KCTD14: variants seen among roughly 807,000 people sequenced by gnomAD.
The protein encoded by KCTD14 is potassium channel tetramerization domain containing 14, also known as BTB/POZ domain-containing protein KCTD14.
In KCTD14, 7 loss-of-function variants were observed where a neutral mutation model predicts 5.9. That is an observed-to-expected ratio of 1.19 (90% CI 0.68 to 2.23). The LOEUF (loss-of-function observed/expected upper bound fraction) is 2.23. Among genes scored for constraint, KCTD14 ranks in the 30% most tolerant of loss-of-function variants. KCTD14 has a pLI of 0.00. For synonymous variants in KCTD14, 140 were observed against 133.1 expected, an observed-to-expected ratio of 1.05 and a Z score of -0.36; for missense variants, 342 against 332.2, an observed-to-expected ratio of 1.03 and a Z score of -0.23.
chr11:78,032,879 A>G (rs924992776), intron 2 of KCTD14, among the ~76,000 whole-genome samples: 7 of 151,902 alleles, frequency 4.6e-5, no homozygotes, highest in Non-Finnish European at 8.8e-5. Context: ...TGGGGGTCTC[A>G]CTATGTTGCC....
intron 1 of KCTD14, among the ~76,000 whole-genome samples, chr11:78,022,646 C>G (rs1857337044): frequency 6.6e-6 from 1 of 152,094 alleles, no homozygotes; most frequent in Non-Finnish European, 1.5e-5. Context: ...CTCACCCAAG[C>G]TGGGGACCAG....
upstream of KCTD14, among the ~76,000 whole-genome samples, chr11:78,025,144 A>ATG (rs1158741288): frequency 4.8e-4 from 60 of 125,260 alleles, no homozygotes; most frequent in Non-Finnish European, 7.2e-4. Context: ...ATATATATAT[A>ATG]TATATATATA....
chr11:78,017,049 A>G lies in KCTD14; in HGVS notation c.312T>C (p.Pro104=), dbSNP rs1389806637. The G allele has an allele frequency of 1.2e-6, 2 of 1,614,102 alleles. No homozygotes were observed. The highest frequency in any genetic ancestry group is 2.7e-5 in the African/African-American group (2 of 74,932). ...AGAACTGAGCCTCACGGTACACTTC[A>G]GGGATGTGCTGTGTGGGCACTTGCC... The part of the protein sequence containing the change: ...RTGQVPTQHI[P]EVYREAQFYE... Residue 104 remains proline (P), a synonymous_variant, in exon 2 of 2, where the codon CCT becomes CCC. Coordinates refer to ENST00000353172, the MANE Select transcript of KCTD14 (RefSeq NM_023930.4).
At position 78,016,076 on chromosome 11, in the gene KCTD14, A is replaced by C. The variant is rs1306702568; in HGVS notation, c.*517T>G. On this transcript the variant is annotated 3_prime_UTR_variant, in exon 2 of 2. Transcript: ENST00000353172. The stretch of plus-strand genomic sequence containing the variant: ...AGCAAGTTCACAGGTAATGCTGATG[A>C]TGCACTTTGAAAACCTCCACTCTAG... 1.3e-5 allele frequency: 2 copies of C among 155,290 alleles called. No homozygotes were observed. Among genetic ancestry groups the C allele is most frequent in the South Asian group, 4.0e-4 (2 of 5,018 alleles). The allele number at this position is 155,290 out of a possible 1,614,324, so 9.6% of individuals were successfully genotyped here.
At chr11:78,026,844 A>G (rs996738330), upstream of KCTD14, among the ~76,000 whole-genome samples, 2 of 152,122 alleles carry the variant, frequency 1.3e-5, no homozygotes, top group African/African-American at 2.4e-5. Flanking sequence ...CACACCTGTA[A>G]TCCCAGCACT....
chr11:78,025,116 G>GTATATATATA (rs771771645), upstream of KCTD14, among the ~76,000 whole-genome samples: 13 of 68,554 alleles, frequency 1.9e-4, no homozygotes, highest in Non-Finnish European at 2.7e-4. Context: ...GTGTGTGTGT[G>GTATATATATA]TGTATATATA....
intron 2 of KCTD14, among the ~76,000 whole-genome samples, chr11:78,032,577 T>G (rs4945242): frequency 0.81 from 123,988 of 152,156 alleles, 50,884 homozygotes; most frequent in African/African-American, 0.9. Flanking sequence ...AATCCAGGCA[T>G]TCTGGCTTCA....
At chr11:78,018,774 A>G (rs1857238050) in intron 1 of KCTD14, among the ~76,000 whole-genome samples, 1 of 152,084 alleles carries the variant, frequency 6.6e-6, no homozygotes. Flanking sequence ...AGAGTTTCCA[A>G]CCTGGGATGC....
intron 1 of KCTD14, chr11:78,038,782 A>G: frequency 6.5e-7 from 1 of 1,535,648 alleles, no homozygotes; most frequent in South Asian, 1.2e-5. Flanking sequence ...AGAATTTCTT[A>G]GAAGACTATC....
At chr11:78,035,853 A>AAAC (rs1336254632) in intron 2 of KCTD14, among the ~76,000 whole-genome samples, 3 of 148,760 alleles carry the variant, frequency 2.0e-5, no homozygotes, top group Admixed American at 1.3e-4. Context: ...TCAAAAAAAA[A>AAAC]AAAAAAAAAA....
chr11:78,017,446 G>C (rs1032946323), intron 1 of KCTD14, among the ~76,000 whole-genome samples, 176 bp from the exon 2 acceptor site: 1 of 149,702 alleles, frequency 6.7e-6, no homozygotes, highest in Non-Finnish European at 1.5e-5. Flanking sequence ...GCTCCAGGGG[G>C]TGGGCTTTTT....
exon 1 of KCTD14, chr11:78,046,076 G>A (rs1858132005): frequency 2.0e-6 from 2 of 984,658 alleles, no homozygotes; most frequent in Non-Finnish European, 2.4e-6. Context: ...AGTAAACCGG[G>A]GAGGACTCCG....
intron 2 of KCTD14, among the ~76,000 whole-genome samples, chr11:78,036,260 G>A (rs924137555): frequency 2.6e-5 from 4 of 152,254 alleles, no homozygotes; most frequent in African/African-American, 9.6e-5. Flanking sequence ...TCAAGTGTGA[G>A]TGTGAATGTG....
chr11:78,033,075 T>G (rs1398296525), intron 2 of KCTD14, among the ~76,000 whole-genome samples: 1 of 151,994 alleles, frequency 6.6e-6, no homozygotes, highest in African/African-American at 2.4e-5. Context: ...TGGGCTTGAG[T>G]ATGGTTAAGA....
At chr11:78,044,762 G>A (rs901402741) in intron 1 of KCTD14, among the ~76,000 whole-genome samples, 8 of 152,060 alleles carry the variant, frequency 5.3e-5, no homozygotes, top group Non-Finnish European at 1.0e-4. Context: ...TTTAGAGCAG[G>A]AACAAAAGGA....
At chr11:78,043,503 T>C (rs1207695913) in intron 1 of KCTD14, among the ~76,000 whole-genome samples, 1 of 152,198 alleles carries the variant, frequency 6.6e-6, no homozygotes, top group Non-Finnish European at 1.5e-5. Flanking sequence ...CCATCCTTGC[T>C]TGCAAAGAGC....
chr11:78,020,057 C>T (rs1044102128), intron 1 of KCTD14, among the ~76,000 whole-genome samples: 1 of 152,210 alleles, frequency 6.6e-6, no homozygotes, highest in African/African-American at 2.4e-5. Flanking sequence ...TTTCAAGGAA[C>T]TCACAGTGGA....
At chr11:78,027,930 T>A (rs1857509483), upstream of KCTD14, among the ~76,000 whole-genome samples, 1 of 152,098 alleles carries the variant, frequency 6.6e-6, no homozygotes, top group Non-Finnish European at 1.5e-5. Context: ...AGGTCTCTGT[T>A]TTGATGGTAA....
At position 78,023,258 on chromosome 11, in the gene KCTD14, C is replaced by T. The variant is rs1020991587; in HGVS notation, c.-9G>A. Reference sequence around the variant, plus strand: ...GCGCAGCCCTGCCACATGCAGATCACTTGGGCCAGCGGAAGTGCCCCTGGC... The same window carrying T: ...GCGCAGCCCTGCCACATGCAGATCATTTGGGCCAGCGGAAGTGCCCCTGGC... On this transcript the variant is annotated 5_prime_UTR_variant, in exon 1 of 2. In the 5' UTR this introduces an upstream ATG that the reference lacks. Transcript: ENST00000353172. 2 of 1,608,660 alleles carry T rather than the reference C, an allele frequency of 1.2e-6. No homozygotes were observed. The highest frequency in any genetic ancestry group is 8.5e-7 in the Non-Finnish European group (1 of 1,179,640).
Sources: gnomAD v4.1 joint callset for allele counts (sites outside exome capture counted in the v4.1 genomes callset) on GRCh38, gnomAD v4.1.1 for gene constraint, MANE v1.5 for transcripts, NCBI Gene and HGNC (gene_info 2026-07-23, HGNC 2026-07-21) for gene names.